RB1CC1: variants seen among roughly 807,000 people sequenced by gnomAD.
The protein encoded by RB1CC1 is RB1 inducible coiled-coil 1.
In RB1CC1, 46 loss-of-function variants were observed where a neutral mutation model predicts 177.5. The ratio of observed to expected loss-of-function variants is 0.26; its 90% CI spans 0.20 to 0.33. RB1CC1 has a LOEUF of 0.33. Among genes scored for constraint, RB1CC1 ranks in the 10% least tolerant of loss-of-function variants. RB1CC1 has a pLI of 1.00. For missense variants in RB1CC1, 1,703 were observed against 1,816.3 expected (o/e 0.94, Z 1.13); for synonymous variants, 666 against 613.6 (o/e 1.09, Z -1.26).
intron 20 of RB1CC1, among the ~76,000 whole-genome samples, chr8:52,634,642 T>A (rs764033022): frequency 2.0e-5 from 3 of 152,210 alleles, no homozygotes; most frequent in African/African-American, 7.2e-5. Context: ...TTTAAGAATC[T>A]TAGGTGCTTC....
chr8:52,698,668 TGG>T (rs372479631), intron 1 of RB1CC1, among the ~76,000 whole-genome samples: 1,561 of 6,264 alleles, frequency 0.25, 74 homozygotes, highest in Non-Finnish European at 0.36. Context: ...ATGTAATGGT[TGG>T]TTTTTTTTTT....
At chr8:52,633,924 A>T (rs181193582) in intron 20 of RB1CC1, among the ~76,000 whole-genome samples, 1 of 152,216 alleles carries the variant, frequency 6.6e-6, no homozygotes, top group Non-Finnish European at 1.5e-5. Flanking sequence ...CCCCATCTCT[A>T]CGAAAACAAA....
intron 22 of RB1CC1, 132 bp downstream of exon 22, chr8:52,627,900 T>C (rs766155420): frequency 1.9e-4 from 137 of 736,124 alleles, no homozygotes; most frequent in Non-Finnish European, 6.3e-5. Context: ...ACAGATTTTA[T>C]AAAAAAGCAG....
intron 22 of RB1CC1, among the ~76,000 whole-genome samples, chr8:52,625,959 A>T (rs1276088442): frequency 6.6e-6 from 1 of 152,242 alleles, no homozygotes; most frequent in South Asian, 2.1e-4. Flanking sequence ...TATCCCAAAT[A>T]AATAATCAGA....
intron 1 of RB1CC1, among the ~76,000 whole-genome samples, chr8:52,691,806 G>T (rs992949886): frequency 1.3e-5 from 2 of 152,174 alleles, no homozygotes; most frequent in African/African-American, 4.8e-5. Context: ...TTTCCCATGG[G>T]TCTACCAGTA....
chr8:52,642,800 T>C lies in RB1CC1; in HGVS notation c.4000A>G (p.Thr1334Ala). 2 of 1,554,286 alleles carry C rather than the reference T, an allele frequency of 1.3e-6. No individual in the cohort carries two copies. The highest frequency in any genetic ancestry group is 1.7e-6 in the Non-Finnish European group (2 of 1,160,006). The change falls in exon 17 of 24, where the codon ACT (threonine) becomes GCT (alanine). Residue 1334 changes from threonine (T) to alanine (A), a missense_variant. This residue lies in a region of RB1CC1 where 1,169 missense variants were observed against 1,184.7 expected (regional missense o/e 0.99). Transcript: ENST00000025008. ...LIAEQQTNFN[T>A]VLTREKMRKE... Reference sequence around the variant, plus strand: ...CTCATTTTCTCTCTTGTTAAAACAGTGTTAAAATTGGTCTGGAACAAGAGA... The same window carrying C: ...CTCATTTTCTCTCTTGTTAAAACAGCGTTAAAATTGGTCTGGAACAAGAGA...
At chr8:52,654,326 A>G (rs1850887659) in intron 15 of RB1CC1, among the ~76,000 whole-genome samples, 1 of 152,190 alleles carries the variant, frequency 6.6e-6, no homozygotes, top group African/African-American at 2.4e-5. Flanking sequence ...CATTTCCCAA[A>G]ATCCCAGGTA....
intron 21 of RB1CC1, 87 bp downstream of exon 21, chr8:52,630,383 C>T (rs1848670970): frequency 6.9e-7 from 1 of 1,454,274 alleles, no homozygotes; most frequent in South Asian, 1.4e-5. Context: ...GAACCTGGAC[C>T]TGAATTACTG....
intron 18 of RB1CC1, among the ~76,000 whole-genome samples, chr8:52,637,672 T>G (rs1343423247): frequency 1.3e-5 from 2 of 151,928 alleles, no homozygotes; most frequent in Non-Finnish European, 2.9e-5. Flanking sequence ...TATTTATTTA[T>G]TTATTTATTT....
At chr8:52,696,473 A>T (rs1030793818) in intron 1 of RB1CC1, among the ~76,000 whole-genome samples, 1 of 152,186 alleles carries the variant, frequency 6.6e-6, no homozygotes, top group African/African-American at 2.4e-5. Flanking sequence ...AAGACTAAAG[A>T]GATTAGGTCA....
chr8:52,645,997 T>C (rs1563369123), intron 15 of RB1CC1, 130 bp from the exon 16 acceptor site: 2 of 841,746 alleles, frequency 2.4e-6, no homozygotes, highest in East Asian at 5.6e-5. Flanking sequence ...GTGTGAACCC[T>C]CTCTTTGAAT....
chr8:52,696,230 G>T (rs987961102), intron 1 of RB1CC1, among the ~76,000 whole-genome samples: 1 of 151,848 alleles, frequency 6.6e-6, no homozygotes, highest in Non-Finnish European at 1.5e-5. Context: ...TTTTCAGAGA[G>T]ACAGAGTTTC....
At chr8:52,633,778 G>A (rs2150385819) in intron 20 of RB1CC1, among the ~76,000 whole-genome samples, 1 of 152,260 alleles carries the variant, frequency 6.6e-6, no homozygotes, top group East Asian at 1.9e-4. Flanking sequence ...ACAGGTTAAA[G>A]CCAAGGCAGT....
At chr8:52,710,563 G>A (rs536873363) in intron 1 of RB1CC1, among the ~76,000 whole-genome samples, 27 of 152,094 alleles carry the variant, frequency 1.8e-4, no homozygotes, top group African/African-American at 6.5e-4. Context: ...TAAAATAACA[G>A]AAATCTTTCT....
intron 18 of RB1CC1, among the ~76,000 whole-genome samples, chr8:52,641,160 G>C (rs562112845): frequency 5.3e-5 from 8 of 151,978 alleles, no homozygotes; most frequent in African/African-American, 7.2e-5. Flanking sequence ...GAGGTGAGTG[G>C]ATCACCTGAG....
In RB1CC1 at chr8:52,685,370, GA is replaced by G. The variant is rs756294567; in HGVS notation, c.71+28del. ...AACTTTCTGCATGCAGACAGAATGC[GA>G]AAAAAAAATAAATGAAATACAACTC... On this transcript the variant is annotated intron_variant, in intron 3 of 23. Coordinates refer to ENST00000025008, the MANE Select transcript of RB1CC1 (RefSeq NM_014781.5). 558 of 1,449,600 alleles carry G rather than the reference GA, an allele frequency of 3.8e-4. 1 individual carries two copies. Among genetic ancestry groups the G allele is most frequent in the Middle Eastern group, 8.2e-4 (4 of 4,870 alleles). The allele number at this position is 1,449,600 out of a possible 1,614,324, so 89.8% of individuals were successfully genotyped here.
At chr8:52,663,806 A>G (rs1391571096) in intron 8 of RB1CC1, among the ~76,000 whole-genome samples, 1 of 152,166 alleles carries the variant, frequency 6.6e-6, no homozygotes, top group Non-Finnish European at 1.5e-5. Flanking sequence ...CACAAATCCA[A>G]ATTCTCATTT....
intron 7 of RB1CC1, among the ~76,000 whole-genome samples, chr8:52,669,080 A>T (rs571020843): frequency 6.6e-6 from 1 of 152,302 alleles, no homozygotes; most frequent in African/African-American, 2.4e-5. Flanking sequence ...GATCAGTCTC[A>T]CAGATTCTCA....
intron 18 of RB1CC1, among the ~76,000 whole-genome samples, chr8:52,638,710 G>GT (rs1849338450): frequency 6.6e-6 from 1 of 151,758 alleles, no homozygotes; most frequent in African/African-American, 2.4e-5. Context: ...AAGAAACTCT[G>GT]TAAGTTCAAA....
Sources: gnomAD v4.1 joint callset for allele counts (sites outside exome capture counted in the v4.1 genomes callset) on GRCh38, gnomAD v4.1.1 for gene constraint, gnomAD v4.1.1 regional missense constraint, MANE v1.5 for transcripts, NCBI Gene and HGNC (gene_info 2026-07-23, HGNC 2026-07-21) for gene names.